SHPRH: variants seen among roughly 807,000 people sequenced by gnomAD.
The protein encoded by SHPRH is SNF2 histone linker PHD RING helicase.
SHPRH carries 106 observed loss-of-function variants against 202.5 expected under a neutral mutation model. The ratio of observed to expected loss-of-function variants is 0.52; its 90% confidence interval spans 0.45 to 0.62. SHPRH has a LOEUF of 0.62. SHPRH is among the 20% of genes least tolerant of loss of function. The probability of loss-of-function intolerance (pLI) is 0.00; values close to 1 mark genes in which losing one functional copy is unlikely to be tolerated. For synonymous variants in SHPRH, 729 were observed against 686.0 expected (o/e 1.06, Z -0.98); for missense variants, 1,710 against 2,020.0 (o/e 0.85, Z 2.94).
At chr6:145,899,845 C>T (rs1167460079) in intron 25 of SHPRH, among the ~76,000 whole-genome samples, 1 of 151,932 alleles carries the variant, frequency 6.6e-6, no homozygotes, top group Non-Finnish European at 1.5e-5. Flanking sequence ...GGCAAAGGAC[C>T]TGAAAAGATA....
At chr6:145,947,348 T>G in intron 6 of SHPRH, 145 bp downstream of exon 6, 2 of 900,422 alleles carry the variant, frequency 2.2e-6, no homozygotes, top group Non-Finnish European at 3.1e-6. Context: ...CTCTGCCCAC[T>G]TGAAGTTAAC....
In SHPRH at chr6:145,935,174, G is replaced by C. The variant is rs146086648; in HGVS notation, c.2734-11C>G. 3.3e-4 allele frequency: 527 copies of C among 1,585,962 alleles called. 3 individuals carry two copies. The African/African-American group carries it at 6.9e-3, about 21-fold the overall frequency. On this transcript the variant is annotated splice_polypyrimidine_tract_variant and intron_variant, in intron 12 of 29. Coordinates refer to ENST00000275233, the MANE Select transcript of SHPRH (RefSeq NM_001042683.3). ...TGGTGGTATTTGGATCTGTGAAAAGGAGCAGAAAAAAAAAAAAAGATATCA... is the reference window on the plus strand; with the variant it reads ...TGGTGGTATTTGGATCTGTGAAAAGCAGCAGAAAAAAAAAAAAAGATATCA...
At chr6:145,936,318 G>A (rs1395313093) in intron 11 of SHPRH, among the ~76,000 whole-genome samples, 1 of 152,016 alleles carries the variant, frequency 6.6e-6, no homozygotes, top group Non-Finnish European at 1.5e-5. Context: ...AAGACTATGA[G>A]TGTAATTTTG....
At position 145,867,631 on chromosome 6, in the gene SHPRH, T is replaced by TAGAGAGAGAG. The variant is rs748613165; in HGVS notation, c.222-3150_222-3141dup. On this transcript the variant is annotated intron_variant, in intron 2 of 2. Transcript: ENST00000417762. ...ATATATATATATATATATATATATA[T>TAGAGAGAGAG]AGAGAGAGAGAGAGAGAGAGAGAGA... Among the ~76,000 whole-genome samples, 72 of 22,314 alleles carry TAGAGAGAGAG rather than the reference T, an allele frequency of 3.2e-3. 1 individual carries two copies. Among genetic ancestry groups the TAGAGAGAGAG allele is most frequent in the African/African-American group, 3.7e-3 (17 of 4,602 alleles). The allele number at this position is 22,314 out of a possible 152,430, so 14.6% of individuals were successfully genotyped here.
In SHPRH at chr6:145,935,047, C is replaced by G. The variant is rs1298197512; in HGVS notation, c.2850G>C (p.Arg950Ser). The G allele has an allele frequency of 2.0e-5, 33 of 1,613,874 alleles. No individual in the cohort carries two copies. Among genetic ancestry groups the G allele is most frequent in the Non-Finnish European group, 2.8e-5 (33 of 1,180,004 alleles). ...GCTTCAGAGCCCAGTCAGAAATCTTCCTGAGTTTTACCACCACATCCTGGC... is the reference window on the plus strand; with the variant it reads ...GCTTCAGAGCCCAGTCAGAAATCTTGCTGAGTTTTACCACCACATCCTGGC... Reference protein sequence around the residue: ...VCCQDVVVKLRKISDWALKLS... With the variant: ...VCCQDVVVKLSKISDWALKLS... The change falls in exon 13 of 30, where the codon AGG (arginine) becomes AGC (serine). Residue 950 changes from arginine to serine, a missense_variant. Arg to Ser is a moderately radical substitution (Grantham distance 110). Around this residue, in one of 8 missense-constraint regions of SHPRH, gnomAD observed 277 missense variants for 363.0 expected, o/e 0.76. Transcript: ENST00000275233.
intron 14 of SHPRH, chr6:145,927,480 G>A (rs1416666494): frequency 2.5e-6 from 1 of 404,404 alleles, no homozygotes; most frequent in Non-Finnish European, 4.4e-6. Context: ...TAATTCCATG[G>A]AATATAATGT....
intron 6 of SHPRH, among the ~76,000 whole-genome samples, chr6:145,946,580 G>A (rs775563233): frequency 6.6e-6 from 1 of 151,824 alleles, no homozygotes; most frequent in Non-Finnish European, 1.5e-5. Flanking sequence ...TGGAACCTCT[G>A]AAATTAACTT....
chr6:145,917,234 T>C (rs1415693376), intron 23 of SHPRH: 1 of 152,190 alleles, frequency 6.6e-6, no homozygotes, highest in Non-Finnish European at 1.5e-5. Context: ...ATTTTACATG[T>C]ATTAATTCAC....
rs950985579 is a variant in SHPRH, at chr6:145,924,765, G to C, written c.3376C>G (p.Gln1126Glu). ...EAQQALYPVQ[Q>E]TIHELQRKIH... ...TTTCTTTGAAGCTCATGGATGGTCT[G>C]CTGCACAGGATATAAAGCTTGCTGG... Residue 1126 changes from glutamine (Q) to glutamate (E), a missense_variant, in exon 17 of 30, where the codon CAG becomes GAG. Around this residue, in one of 8 missense-constraint regions of SHPRH, gnomAD observed 288 missense variants for 317.8 expected, o/e 0.91. Coordinates refer to ENST00000275233, the MANE Select transcript of SHPRH (RefSeq NM_001042683.3). 1 of 1,611,606 alleles carries C rather than the reference G, an allele frequency of 6.2e-7. No individual in the cohort carries two copies. Among genetic ancestry groups the C allele is most frequent in the African/African-American group, 1.3e-5 (1 of 74,768 alleles).
chr6:145,937,783 T>C lies in SHPRH; in HGVS notation c.2570-2342A>G, dbSNP rs529677237. Among the ~76,000 whole-genome samples the C allele has an allele frequency of 3.3e-5, 5 of 152,354 alleles. No individual in the cohort carries two copies. The East Asian group carries it at 9.6e-4, about 29-fold the overall frequency. ...TCTATTTACATTAATATTTTCTGTTTCCTCTACAATAGAGGATTTTTCCTT... is the reference window on the plus strand; with the variant it reads ...TCTATTTACATTAATATTTTCTGTTCCCTCTACAATAGAGGATTTTTCCTT... On this transcript the variant is annotated intron_variant, in intron 11 of 29. Coordinates refer to ENST00000275233, the MANE Select transcript of SHPRH (RefSeq NM_001042683.3).
intron 14 of SHPRH, among the ~76,000 whole-genome samples, chr6:145,928,234 A>G (rs1785077008): frequency 6.6e-6 from 1 of 151,958 alleles, no homozygotes; most frequent in African/African-American, 2.4e-5. Flanking sequence ...TTTACACAGA[A>G]AGTTTGATGA....
intron 11 of SHPRH, among the ~76,000 whole-genome samples, chr6:145,938,244 T>G (rs1483452675): frequency 1.3e-5 from 2 of 152,114 alleles, no homozygotes; most frequent in Non-Finnish European, 2.9e-5. Context: ...GGGTTGGTTG[T>G]TACAAAGCGA....
Position 145,948,276 on chromosome 6 carries a change from C to A in SHPRH, c.1057G>T (p.Gly353Cys). Residue 353 changes from glycine to cysteine, a missense_variant, in exon 5 of 30, where the codon GGC becomes TGC. This residue lies in a region of SHPRH where 459 missense variants were observed against 426.5 expected (regional missense o/e 1.08). Transcript: ENST00000275233. ...ATAAGTAAAATTTTGCCTTACCAGC[C>A]TGTATATGGATTATAGTAGAGTTTC... ...GLKLYYNPYTGCIIREYPNSG... is the reference protein window; with the variant it reads ...GLKLYYNPYTCCIIREYPNSG... 1 of 1,573,866 alleles carries A rather than the reference C, an allele frequency of 6.4e-7. No homozygotes were observed. The highest frequency in any genetic ancestry group is 1.2e-5 in the South Asian group (1 of 81,264).
At chr6:145,863,051 A>T (rs1448292237), downstream of SHPRH, among the ~76,000 whole-genome samples, 1 of 152,220 alleles carries the variant, frequency 6.6e-6, no homozygotes, top group Non-Finnish European at 1.5e-5. Flanking sequence ...GAATCTAAGG[A>T]TATCATGTAT....
intron 14 of SHPRH, among the ~76,000 whole-genome samples, chr6:145,928,433 GT>G (rs1475032118): frequency 2.0e-5 from 3 of 151,508 alleles, no homozygotes; most frequent in Non-Finnish European, 2.9e-5. Context: ...TGCTGAGAAA[GT>G]TTTTTTCCTA....
Position 145,893,271 on chromosome 6 carries a change from C to A in SHPRH, c.4818G>T (p.Leu1606Phe), listed in dbSNP as rs760463909. Residue 1606 changes from leucine to phenylalanine, a missense_variant, in exon 28 of 30, where the codon TTG becomes TTT. This residue lies in a region of SHPRH where 306 missense variants were observed against 479.5 expected (regional missense o/e 0.64). Coordinates refer to ENST00000275233, the MANE Select transcript of SHPRH (RefSeq NM_001042683.3). ...TGGCCTGAAGCTCATGGGCAGGGTT[C>A]AATATGGGCTCCACCAAGAGAACAT... Reference protein sequence around the residue: ...ATHVLLVEPILNPAHELQAIG... With the variant: ...ATHVLLVEPIFNPAHELQAIG... 1.9e-6 allele frequency: 3 copies of A among 1,604,144 alleles called. No homozygotes were observed. Among genetic ancestry groups the A allele is most frequent in the Non-Finnish European group, 1.7e-6 (2 of 1,175,978 alleles).
Position 145,943,289 on chromosome 6 carries a change from T to A in SHPRH, c.2092A>T (p.Ile698Phe). 1 of 1,613,742 alleles carries A rather than the reference T, an allele frequency of 6.2e-7. No individual in the cohort carries two copies. The highest frequency in any genetic ancestry group is 8.5e-7 in the Non-Finnish European group (1 of 1,179,900). Residue 698 changes from isoleucine (I) to phenylalanine (F), a missense_variant, in exon 9 of 30, where the codon ATC (isoleucine) becomes TTC (phenylalanine). Ile to Phe is a conservative substitution (Grantham distance 21). Around this residue, in one of 8 missense-constraint regions of SHPRH, gnomAD observed 277 missense variants for 363.0 expected, o/e 0.76. Transcript: ENST00000275233. ...CAGTGGGGGCAGTAAAAAGGCTTGA[T>A]CTTCAGATTTTTCTCATCATAATTC... ...CVNYDEKNLK[I>F]KPFYCPHCLV...
intron 19 of SHPRH, 125 bp downstream of exon 19, chr6:145,922,538 T>G: frequency 7.9e-7 from 1 of 1,263,066 alleles, no homozygotes; most frequent in Non-Finnish European, 1.1e-6. Context: ...TTAATACATC[T>G]CTTTCTACTT....
In SHPRH at chr6:145,935,275, G is replaced by C; in HGVS notation, c.2733+3C>G. On this transcript the variant is annotated splice_donor_region_variant and intron_variant, in intron 12 of 29. Coordinates refer to ENST00000275233, the MANE Select transcript of SHPRH (RefSeq NM_001042683.3). Reference sequence around the variant, plus strand: ...TTTATCAATAAAAACTTATTGTACTGACTTGGTCAATCACATCTTTCTTTG... The same window carrying C: ...TTTATCAATAAAAACTTATTGTACTCACTTGGTCAATCACATCTTTCTTTG... 6.2e-7 allele frequency: 1 copy of C among 1,613,276 alleles called. No individual in the cohort carries two copies. Among genetic ancestry groups the C allele is most frequent in the Non-Finnish European group, 8.5e-7 (1 of 1,179,818 alleles).
Sources: allele counts gnomAD v4.1 joint callset (sites outside exome capture counted in the v4.1 genomes callset), GRCh38; gene constraint gnomAD v4.1.1; regional missense constraint gnomAD v4.1.1; transcripts MANE v1.5; gene names NCBI Gene and HGNC (gene_info 2026-07-23, HGNC 2026-07-21).